Variants in EVI5 observed in about 807,000 individuals in gnomAD.
The protein encoded by EVI5 is ecotropic viral integration site 5 protein homolog.
EVI5 carries 73 observed loss-of-function variants against 112.0 expected under a neutral mutation model. That is an observed-to-expected ratio of 0.65 (90% CI 0.54 to 0.79). The LOEUF (loss-of-function observed/expected upper bound fraction) is 0.79. Among genes scored for constraint, EVI5 ranks in the 30% least tolerant of loss-of-function variants. The probability of loss-of-function intolerance (pLI) is 0.00; values close to 1 mark genes in which losing one functional copy is unlikely to be tolerated. For missense variants in EVI5, 900 were observed against 968.8 expected (o/e 0.93, Z 0.94); for synonymous variants, 305 against 319.9 (o/e 0.95, Z 0.50).
At chr1:92,713,162 A>T (rs1673095759) in intron 2 of EVI5, among the ~76,000 whole-genome samples, 1 of 152,000 alleles carries the variant, frequency 6.6e-6, no homozygotes, top group African/African-American at 2.4e-5. Flanking sequence ...AAATTTTTTC[A>T]ATTACCAAGA....
At chr1:92,766,246 G>A (rs1254212184) in intron 1 of EVI5, among the ~76,000 whole-genome samples, 1 of 151,634 alleles carries the variant, frequency 6.6e-6, no homozygotes, top group Admixed American at 6.6e-5. Flanking sequence ...GAGGAGCTAA[G>A]CCTATTCCCT....
At position 92,637,892 on chromosome 1, in the gene EVI5, T is replaced by C. The variant is rs1308047789; in HGVS notation, c.1393-1556A>G. ...ATGCATTATACATTATTTCTTCTAG[T>C]AATTTTGATACTATTGAAACAATAT... On this transcript the variant is annotated intron_variant, in intron 13 of 19. Transcript: ENST00000684568. Among the ~76,000 whole-genome samples the C allele has an allele frequency of 6.6e-5, 10 of 152,338 alleles. 2 individuals are homozygous for C. The highest frequency in any genetic ancestry group is 5.9e-4 in the Admixed American group (9 of 15,304).
intron 18 of EVI5, among the ~76,000 whole-genome samples, chr1:92,587,412 A>G (rs1266598636): frequency 2.0e-5 from 3 of 151,820 alleles, no homozygotes; most frequent in East Asian, 1.9e-4. Flanking sequence ...AAAAACTATT[A>G]ACAAGTTAGC....
At chr1:92,700,158 A>T (rs1259929094) in intron 5 of EVI5, among the ~76,000 whole-genome samples, 1 of 152,192 alleles carries the variant, frequency 6.6e-6, no homozygotes, top group Non-Finnish European at 1.5e-5. Flanking sequence ...AGAAATCAAG[A>T]CACTTGAGTC....
At chr1:92,775,888 C>T (rs1163964587) in intron 1 of EVI5, among the ~76,000 whole-genome samples, 1 of 152,058 alleles carries the variant, frequency 6.6e-6, no homozygotes, top group Non-Finnish European at 1.5e-5. Flanking sequence ...GCAGGTGGAT[C>T]ACGAGGTCAG....
intron 1 of EVI5, among the ~76,000 whole-genome samples, chr1:92,746,746 A>G (rs1209719037): frequency 1.3e-5 from 2 of 151,826 alleles, no homozygotes; most frequent in African/African-American, 4.8e-5. Context: ...TTAAAAAGAA[A>G]ATTAGCCAGG....
chr1:92,588,888 T>A (rs879059465), intron 18 of EVI5, among the ~76,000 whole-genome samples: 5 of 152,250 alleles, frequency 3.3e-5, no homozygotes, highest in African/African-American at 1.2e-4. Flanking sequence ...AATAAACATA[T>A]TTTGACTGTG....
intron 14 of EVI5, among the ~76,000 whole-genome samples, chr1:92,631,929 T>A (rs1358699500): frequency 6.6e-6 from 1 of 152,208 alleles, no homozygotes; most frequent in African/African-American, 2.4e-5. Flanking sequence ...TCTGCATCTA[T>A]TGAGATAATT....
chr1:92,754,048 A>G (rs1198922486), intron 1 of EVI5, among the ~76,000 whole-genome samples: 1 of 152,244 alleles, frequency 6.6e-6, no homozygotes, highest in Non-Finnish European at 1.5e-5. Flanking sequence ...GCCACATGCC[A>G]TAACTTCAAA....
intron 13 of EVI5, among the ~76,000 whole-genome samples, chr1:92,644,614 T>A (rs1189658386): frequency 1.3e-5 from 2 of 152,186 alleles, no homozygotes; most frequent in African/African-American, 2.4e-5. Context: ...ACTTACTGAC[T>A]TGCCTAATAA....
At chr1:92,591,677 C>A (rs1407945330) in intron 18 of EVI5, among the ~76,000 whole-genome samples, 1 of 152,038 alleles carries the variant, frequency 6.6e-6, no homozygotes, top group Non-Finnish European at 1.5e-5. Context: ...ACTTTAACAC[C>A]CCACTGTCAA....
intron 19 of EVI5, among the ~76,000 whole-genome samples, chr1:92,556,252 C>T (rs1430236270): frequency 1.3e-5 from 2 of 151,798 alleles, no homozygotes; most frequent in Admixed American, 6.6e-5. Flanking sequence ...TTAGTAGAGA[C>T]GGGGTTTCAC....
intron 16 of EVI5, among the ~76,000 whole-genome samples, chr1:92,623,221 G>C (rs548891112): frequency 6.6e-5 from 10 of 152,058 alleles, no homozygotes; most frequent in Admixed American, 1.3e-4. Context: ...ATAACGTGTG[G>C]AAAGTATTTT....
intron 18 of EVI5, among the ~76,000 whole-genome samples, chr1:92,574,357 G>A (rs1217992747): frequency 6.6e-6 from 1 of 152,158 alleles, no homozygotes; most frequent in Non-Finnish European, 1.5e-5. Context: ...ATTCAGAGGT[G>A]TCTTCACCTG....
chr1:92,550,485 T>TA (rs1339408240), intron 19 of EVI5, among the ~76,000 whole-genome samples: 5 of 151,186 alleles, frequency 3.3e-5, no homozygotes, highest in Non-Finnish European at 7.4e-5. Context: ...CCCTAGAACT[T>TA]AAAGTATAAT....
rs1197834999 is a variant in EVI5, at chr1:92,698,991, AATTCTC to A, written c.640-1012_640-1007del. Among the ~76,000 whole-genome samples, 15 of 152,304 alleles carry A rather than the reference AATTCTC, an allele frequency of 9.8e-5. No homozygotes were observed. The South Asian group carries it at 2.9e-3, about 30-fold the overall frequency. On this transcript the variant is annotated intron_variant, in intron 5 of 19. Transcript: ENST00000684568. ...CTTTCTCAAAATAATAAAATTTGCT[AATTCTC>A]ATTCATTCCCGTTATACCAGTGTGT...
At chr1:92,713,726 G>A (rs918207133) in intron 2 of EVI5, among the ~76,000 whole-genome samples, 3 of 152,080 alleles carry the variant, frequency 2.0e-5, no homozygotes, top group South Asian at 4.1e-4. Context: ...GCAGTGAGCC[G>A]AGATTGCACC....
rs538379643 is a variant in EVI5, at chr1:92,582,218, T to C, written c.2071-18481A>G. On this transcript the variant is annotated intron_variant, in intron 18 of 19. Coordinates refer to ENST00000684568, the MANE Select transcript of EVI5 (RefSeq NM_001350197.2). ...ATTTGTGTGTCTAAATATTTAAACA[T>C]AGAAAAGGTACAGAACACATACTGT... Among the ~76,000 whole-genome samples the C allele has an allele frequency of 2.6e-5, 4 of 152,264 alleles. No homozygotes were observed. In the South Asian group the frequency reaches 6.2e-4, roughly 24 times the overall value.
rs1420552003 is a variant in EVI5 at position 92,619,133 on chromosome 1, G to A, written c.1827+5043C>T. On this transcript the variant is annotated intron_variant, in intron 16 of 19. Coordinates refer to ENST00000684568, the MANE Select transcript of EVI5 (RefSeq NM_001350197.2). ...AAGATCAATACAAAGTACTGATCCC[G>A]GATGTGTCTGTGAGGGTGTTGCCAA... Among the ~76,000 whole-genome samples the A allele has an allele frequency of 5.3e-5, 8 of 152,140 alleles. No individual in the cohort carries two copies. In the East Asian group the frequency reaches 7.7e-4, roughly 15 times the overall value.
Sources: allele counts gnomAD v4.1 joint callset (sites outside exome capture counted in the v4.1 genomes callset), GRCh38; gene constraint gnomAD v4.1.1; transcripts MANE v1.5; gene names NCBI Gene and HGNC (gene_info 2026-07-23, HGNC 2026-07-21).